RCAN2: variants seen among roughly 807,000 people sequenced by gnomAD.
RCAN2 encodes regulator of calcineurin 2.
Under a neutral mutation model 23.6 loss-of-function variants are expected in RCAN2, and 9 were observed. The ratio of observed to expected loss-of-function variants is 0.38; its 90% CI spans 0.23 to 0.67. The LOEUF (loss-of-function observed/expected upper bound fraction) is 0.67. Among genes scored for constraint, RCAN2 ranks in the 30% least tolerant of loss-of-function variants. The pLI is 0.51. For missense variants in RCAN2, 273 were observed against 302.3 expected (o/e 0.90, Z 0.72); for synonymous variants, 109 against 115.7 (o/e 0.94, Z 0.37).
intron 2 of RCAN2, among the ~76,000 whole-genome samples, chr6:46,364,548 G>A (rs115591250): frequency 1.8e-3 from 275 of 152,216 alleles, no homozygotes; most frequent in African/African-American, 5.8e-3. Context: ...GTGCTTACGC[G>A]GAGACTGAGC....
At chr6:46,480,116 C>T (rs1768816528) in intron 1 of RCAN2, among the ~76,000 whole-genome samples, 1 of 152,186 alleles carries the variant, frequency 6.6e-6, no homozygotes, top group African/African-American at 2.4e-5. Flanking sequence ...ACAAATCCCA[C>T]TTTGACAAGG....
intron 2 of RCAN2, among the ~76,000 whole-genome samples, chr6:46,456,479 T>C (rs1450123028): frequency 6.6e-6 from 1 of 152,190 alleles, no homozygotes; most frequent in East Asian, 1.9e-4. Context: ...TTTCCTACAA[T>C]CCATATTAAC....
chr6:46,457,689 C>T (rs1368870479), intron 1 of RCAN2, among the ~76,000 whole-genome samples: 1 of 152,094 alleles, frequency 6.6e-6, no homozygotes, highest in Non-Finnish European at 1.5e-5. Flanking sequence ...CCAGATATTT[C>T]CTCTTCTGAC....
At chr6:46,443,877 A>G (rs1309181132) in intron 2 of RCAN2, among the ~76,000 whole-genome samples, 1 of 152,222 alleles carries the variant, frequency 6.6e-6, no homozygotes, top group African/African-American at 2.4e-5. Context: ...AGTGATGCAC[A>G]GTGGGTAATG....
intron 2 of RCAN2, among the ~76,000 whole-genome samples, chr6:46,450,079 C>T (rs936065133): frequency 4.6e-5 from 7 of 151,794 alleles, no homozygotes; most frequent in Non-Finnish European, 1.0e-4. Context: ...TCCAAAAATA[C>T]ATAAGGAACT....
intron 2 of RCAN2, among the ~76,000 whole-genome samples, chr6:46,372,909 G>A (rs1004287791): frequency 3.3e-5 from 5 of 152,210 alleles, no homozygotes; most frequent in Non-Finnish European, 5.9e-5. Flanking sequence ...TCTGGAAGGA[G>A]AATTAGAGAT....
At chr6:46,244,144 T>C (rs146464916) in intron 4 of RCAN2, among the ~76,000 whole-genome samples, 149 of 152,338 alleles carry the variant, frequency 9.8e-4, no homozygotes, top group African/African-American at 3.5e-3. Context: ...TGGTAGATGG[T>C]ACATTTATTG....
intron 2 of RCAN2, among the ~76,000 whole-genome samples, chr6:46,350,101 C>A (rs1201132888): frequency 6.6e-6 from 1 of 152,140 alleles, no homozygotes. Flanking sequence ...AATTGGTTTT[C>A]TCTCTTCAAA....
intron 2 of RCAN2, among the ~76,000 whole-genome samples, chr6:46,288,416 G>T (rs905236701): frequency 3.9e-5 from 6 of 152,156 alleles, no homozygotes; most frequent in Non-Finnish European, 8.8e-5. Flanking sequence ...CTGGCTGGCT[G>T]CCCCAGCTGC....
chr6:46,262,638 A>T (rs1767150450), intron 2 of RCAN2, among the ~76,000 whole-genome samples: 1 of 149,996 alleles, frequency 6.7e-6, no homozygotes, highest in Non-Finnish European at 1.5e-5. Context: ...AATTCTGATT[A>T]TACCATTCCT....
At chr6:46,393,729 C>T (rs1199666715) in intron 2 of RCAN2, among the ~76,000 whole-genome samples, 1 of 152,114 alleles carries the variant, frequency 6.6e-6, no homozygotes, top group Non-Finnish European at 1.5e-5. Context: ...CACTCACCCA[C>T]CTCTTTGTAG....
At chr6:46,443,629 C>T (rs139428578) in intron 2 of RCAN2, among the ~76,000 whole-genome samples, 4 of 151,890 alleles carry the variant, frequency 2.6e-5, no homozygotes, top group Non-Finnish European at 5.9e-5. Context: ...TGAGTCAGTC[C>T]CCTCTAAAAA....
At chr6:46,414,493 A>G (rs960227707) in intron 2 of RCAN2, among the ~76,000 whole-genome samples, 1 of 152,234 alleles carries the variant, frequency 6.6e-6, no homozygotes, top group Non-Finnish European at 1.5e-5. Flanking sequence ...CAGTGCTTAG[A>G]TATTTGGTCA....
chr6:46,297,508 C>A (rs1030431968), intron 2 of RCAN2, among the ~76,000 whole-genome samples: 1 of 151,958 alleles, frequency 6.6e-6, no homozygotes, highest in Non-Finnish European at 1.5e-5. Flanking sequence ...AGAATAGACA[C>A]CCCCCGCTTT....
chr6:46,244,895 G>C (rs1012405694), intron 4 of RCAN2, among the ~76,000 whole-genome samples: 7 of 152,218 alleles, frequency 4.6e-5, no homozygotes, highest in Non-Finnish European at 1.0e-4. Context: ...GAGTCAAACT[G>C]GCAGCTTCAA....
intron 2 of RCAN2, among the ~76,000 whole-genome samples, chr6:46,285,905 A>C (rs934200724): frequency 6.6e-6 from 1 of 152,202 alleles, no homozygotes; most frequent in Admixed American, 6.5e-5. Context: ...TTAGGTAAGG[A>C]GCCCATTCTT....
At chr6:46,346,232 A>G (rs1764477692) in intron 2 of RCAN2, among the ~76,000 whole-genome samples, 1 of 152,212 alleles carries the variant, frequency 6.6e-6, no homozygotes, top group Non-Finnish European at 1.5e-5. Flanking sequence ...CAGGTAAAGC[A>G]GTGCTCAGAG....
At chr6:46,258,685 A>C (rs1767004764) in intron 2 of RCAN2, among the ~76,000 whole-genome samples, 1 of 152,104 alleles carries the variant, frequency 6.6e-6, no homozygotes, top group Non-Finnish European at 1.5e-5. Context: ...CCAGTCTATT[A>C]TTTCTTTCCC....
chr6:46,246,548 T>C (rs1766519698), intron 4 of RCAN2, among the ~76,000 whole-genome samples, 200 bp downstream of exon 4: 1 of 152,202 alleles, frequency 6.6e-6, no homozygotes, highest in Non-Finnish European at 1.5e-5. Context: ...TAGTACAGGT[T>C]CCTGAGTTGC....
Sources: gnomAD v4.1 joint callset for allele counts (sites outside exome capture counted in the v4.1 genomes callset) on GRCh38, gnomAD v4.1.1 for gene constraint, MANE v1.5 for transcripts, NCBI Gene and HGNC (gene_info 2026-07-23, HGNC 2026-07-21) for gene names.